The following KHDRBS2 variants were observed in gnomAD, a reference collection of about 807,000 sequenced individuals.
The protein encoded by KHDRBS2 is KH domain-containing, RNA-binding, signal transduction-associated protein 2.
KHDRBS2 carries 26 observed loss-of-function variants against 44.3 expected under a neutral mutation model. The ratio of observed to expected loss-of-function variants is 0.59; its 90% CI spans 0.43 to 0.81. The LOEUF is 0.81. Ranked by LOEUF, KHDRBS2 falls within the 40% of genes least tolerant of loss-of-function variation. KHDRBS2 has a pLI of 0.00. For missense variants in KHDRBS2, 476 were observed against 433.1 expected, an observed-to-expected ratio of 1.10 and a Z score of -0.88; for synonymous variants, 194 against 151.1, an observed-to-expected ratio of 1.28 and a Z score of -2.08.
chr6:61,696,890 G>T (rs1312510903), intron 8 of KHDRBS2, among the ~76,000 whole-genome samples: 3 of 152,204 alleles, frequency 2.0e-5, no homozygotes, highest in East Asian at 3.9e-4. Flanking sequence ...ACACAATATT[G>T]TTGCCAAATC....
chr6:62,272,082 C>T (rs1840180668), intron 1 of KHDRBS2, among the ~76,000 whole-genome samples: 2 of 152,130 alleles, frequency 1.3e-5, no homozygotes, highest in Admixed American at 1.3e-4. Flanking sequence ...ATCTTTTATA[C>T]TGTATATTTA....
At chr6:62,264,191 T>C (rs1019712938) in intron 1 of KHDRBS2, among the ~76,000 whole-genome samples, 1 of 151,850 alleles carries the variant, frequency 6.6e-6, no homozygotes, top group Non-Finnish European at 1.5e-5. Context: ...TAGGAAATGA[T>C]TGAGTCACAT....
intron 6 of KHDRBS2, among the ~76,000 whole-genome samples, chr6:61,848,524 T>TATATAC (rs1562294546): frequency 4.8e-5 from 3 of 62,734 alleles, no homozygotes; most frequent in African/African-American, 7.5e-5. Flanking sequence ...TATATGTATA[T>TATATAC]ATATATACAT....
intron 3 of KHDRBS2, among the ~76,000 whole-genome samples, chr6:62,041,749 C>T (rs1266221263): frequency 2.0e-5 from 3 of 151,726 alleles, no homozygotes; most frequent in African/African-American, 4.8e-5. Flanking sequence ...TGTCTAGATG[C>T]GAATAAAATC....
chr6:61,823,456 A>G (rs887092693), intron 6 of KHDRBS2, among the ~76,000 whole-genome samples: 2 of 152,106 alleles, frequency 1.3e-5, no homozygotes, highest in Non-Finnish European at 2.9e-5. Flanking sequence ...AAGATTGCAG[A>G]GATTGGGAAG....
intron 1 of KHDRBS2, among the ~76,000 whole-genome samples, chr6:62,236,446 T>C (rs1250078897): frequency 6.6e-6 from 1 of 151,878 alleles, no homozygotes; most frequent in Non-Finnish European, 1.5e-5. Flanking sequence ...TGTATACATA[T>C]AATATTAAAA....
At chr6:61,791,698 T>C (rs1490828696) in intron 6 of KHDRBS2, among the ~76,000 whole-genome samples, 1 of 151,506 alleles carries the variant, frequency 6.6e-6, no homozygotes, top group Non-Finnish European at 1.5e-5. Flanking sequence ...TTACAACTTA[T>C]AGGTGTACTG....
chr6:61,868,714 G>A (rs1186996726), intron 6 of KHDRBS2, among the ~76,000 whole-genome samples: 1 of 152,010 alleles, frequency 6.6e-6, no homozygotes, highest in Non-Finnish European at 1.5e-5. Context: ...AAATAGTAAA[G>A]GTGGCAGCCC....
At chr6:61,743,958 C>T (rs1165857785) in intron 6 of KHDRBS2, among the ~76,000 whole-genome samples, 2 of 152,012 alleles carry the variant, frequency 1.3e-5, no homozygotes, top group Non-Finnish European at 2.9e-5. Context: ...AGGACATGAA[C>T]TCACCATTTT....
intron 1 of KHDRBS2, among the ~76,000 whole-genome samples, chr6:62,188,283 A>C (rs1433173634): frequency 6.6e-6 from 1 of 152,126 alleles, no homozygotes; most frequent in Non-Finnish European, 1.5e-5. Flanking sequence ...AATAAATATT[A>C]TATCCATTGA....
At chr6:62,053,307 C>G (rs1789498026) in intron 2 of KHDRBS2, among the ~76,000 whole-genome samples, 1 of 150,654 alleles carries the variant, frequency 6.6e-6, no homozygotes, top group Non-Finnish European at 1.5e-5. Context: ...ACCTTCATAC[C>G]AAAACCAAAT....
At chr6:62,271,541 T>C (rs1268268674) in intron 1 of KHDRBS2, among the ~76,000 whole-genome samples, 3 of 152,178 alleles carry the variant, frequency 2.0e-5, no homozygotes, top group Non-Finnish European at 4.4e-5. Flanking sequence ...GGCAGATCCA[T>C]CAGGAGATAT....
chr6:61,561,673 C>T, the KHDRBS2 span, among the ~76,000 whole-genome samples: 5 of 152,142 alleles, frequency 3.3e-5, no homozygotes, highest in Non-Finnish European at 7.4e-5. Context: ...CTGATGTTCA[C>T]TTAAGGCCAA....
At chr6:61,827,284 G>T (rs964683666) in intron 6 of KHDRBS2, among the ~76,000 whole-genome samples, 1 of 152,180 alleles carries the variant, frequency 6.6e-6, no homozygotes. Context: ...GTTGGGAGGA[G>T]GATGTTAACG....
intron 6 of KHDRBS2, among the ~76,000 whole-genome samples, chr6:61,771,803 C>A (rs1211073302): frequency 2.0e-5 from 3 of 151,998 alleles, no homozygotes; most frequent in African/African-American, 4.8e-5. Context: ...ACAAGGATAA[C>A]CAGGAATTAG....
At chr6:61,778,439 C>G (rs1270708591) in intron 6 of KHDRBS2, among the ~76,000 whole-genome samples, 1 of 152,076 alleles carries the variant, frequency 6.6e-6, no homozygotes, top group East Asian at 1.9e-4. Flanking sequence ...AAACATAAAA[C>G]TGGCTTATCT....
chr6:61,957,520 C>A (rs1767659708), intron 4 of KHDRBS2, among the ~76,000 whole-genome samples: 1 of 152,078 alleles, frequency 6.6e-6, no homozygotes. Flanking sequence ...GGGTGGCTGT[C>A]TTTTACGGTC....
chr6:62,117,788 T>A (rs1243860700), intron 2 of KHDRBS2, among the ~76,000 whole-genome samples: 1 of 152,142 alleles, frequency 6.6e-6, no homozygotes, highest in African/African-American at 2.4e-5. Flanking sequence ...ATTTTATTTT[T>A]TTTTTGAGAT....
intron 6 of KHDRBS2, among the ~76,000 whole-genome samples, chr6:61,853,707 G>T (rs1375292215): frequency 2.0e-5 from 3 of 152,136 alleles, no homozygotes; most frequent in Non-Finnish European, 4.4e-5. Flanking sequence ...CCAAATAAAG[G>T]TAAGTTGAAC....
Sources: allele counts gnomAD v4.1 joint callset (sites outside exome capture counted in the v4.1 genomes callset), GRCh38; gene constraint gnomAD v4.1.1; transcripts MANE v1.5; gene names NCBI Gene and HGNC (gene_info 2026-07-23, HGNC 2026-07-21).